Variants in CUL3 observed in about 807,000 individuals in gnomAD.
The protein encoded by CUL3 is cullin 3.
A neutral mutation model predicts 89.1 loss-of-function variants in CUL3; 19 were observed. That is an observed-to-expected ratio of 0.21 (90% CI 0.15 to 0.31). The LOEUF is 0.31. CUL3 is among the 10% of genes least tolerant of loss of function. The pLI is 1.00. For synonymous variants in CUL3, 351 were observed against 308.4 expected (o/e 1.14, Z -1.45); for missense variants, 469 against 942.3 (o/e 0.50, Z 6.58).
At chr2:224,521,203 C>G (rs1166860544) in intron 3 of CUL3, among the ~76,000 whole-genome samples, 3 of 151,978 alleles carry the variant, frequency 2.0e-5, no homozygotes, top group Non-Finnish European at 4.4e-5. Flanking sequence ...ATGGTGCACC[C>G]AAGGAAAGAA....
intron 1 of CUL3, among the ~76,000 whole-genome samples, chr2:224,579,500 A>G (rs979492723): frequency 2.0e-5 from 3 of 151,990 alleles, no homozygotes; most frequent in Non-Finnish European, 2.9e-5. Flanking sequence ...AAAAAAAAAG[A>G]TTAACTGTAC....
At chr2:224,544,587 A>G (rs72974208) in intron 2 of CUL3, among the ~76,000 whole-genome samples, 18,833 of 151,936 alleles carry the variant, frequency 0.12, 1,635 homozygotes, top group Non-Finnish European at 0.19. Flanking sequence ...TCAGTCCTGC[A>G]TTAATCACAT....
chr2:224,501,671 T>A (rs1478800448), intron 10 of CUL3, among the ~76,000 whole-genome samples: 1 of 152,154 alleles, frequency 6.6e-6, no homozygotes, highest in South Asian at 2.1e-4. Context: ...TAAACTTGGA[T>A]GATGCACAGA....
At chr2:224,516,942 A>G (rs1376891694) in intron 3 of CUL3, among the ~76,000 whole-genome samples, 10 of 151,866 alleles carry the variant, frequency 6.6e-5, no homozygotes, top group African/African-American at 1.7e-4. Flanking sequence ...ACCGCCTGTA[A>G]ACCTCCTCTT....
intron 3 of CUL3, among the ~76,000 whole-genome samples, chr2:224,532,586 T>C (rs559841449): frequency 8.5e-5 from 13 of 152,182 alleles, no homozygotes; most frequent in African/African-American, 2.4e-4. Flanking sequence ...TTAACTGTAA[T>C]GTATTCAAAG....
At chr2:224,532,748 T>C (rs992902221) in intron 3 of CUL3, among the ~76,000 whole-genome samples, 6 of 152,214 alleles carry the variant, frequency 3.9e-5, no homozygotes, top group African/African-American at 1.4e-4. Context: ...GTGAGTGGCT[T>C]GAACATGTTT....
chr2:224,485,893 A>AG lies in CUL3; in HGVS notation c.1843-3816_1843-3815insC, dbSNP rs1691703029. On this transcript the variant is annotated intron_variant, in intron 13 of 15. Coordinates refer to ENST00000264414, the MANE Select transcript of CUL3 (RefSeq NM_003590.5). This position sits in a 1 kb window ranked among gnomAD's most constrained non-coding sequence, Gnocchi z 4.1. ...GGCATCTGGCAGGTGCCCCTCTGGG[A>AG]CAAAGCTTCCAGAGGAAGGAGCAGG... 6.6e-6 allele frequency among the ~76,000 whole-genome samples: 1 copy of AG among 152,218 alleles called. No individual in the cohort carries two copies. The highest frequency in any genetic ancestry group is 2.4e-5 in the African/African-American group (1 of 41,466).
At chr2:224,555,376 C>G (rs931732040) in intron 2 of CUL3, among the ~76,000 whole-genome samples, 3 of 152,100 alleles carry the variant, frequency 2.0e-5, no homozygotes, top group Admixed American at 2.0e-4. Context: ...TCACTTTACC[C>G]AGATCTTTCC....
At chr2:224,509,932 A>C (rs1369656795) in intron 6 of CUL3, among the ~76,000 whole-genome samples, 1 of 152,216 alleles carries the variant, frequency 6.6e-6, no homozygotes, top group Non-Finnish European at 1.5e-5. Flanking sequence ...CCATCTATTT[A>C]TGTACAGCTC....
At chr2:224,497,183 C>A (rs1337036642) in intron 12 of CUL3, among the ~76,000 whole-genome samples, 1 of 151,956 alleles carries the variant, frequency 6.6e-6, no homozygotes, top group Non-Finnish European at 1.5e-5. Context: ...TTAATATTTT[C>A]TGAAGGCAAA....
chr2:224,557,419 CTTCA>C (rs1008983172), intron 2 of CUL3, among the ~76,000 whole-genome samples: 8 of 152,178 alleles, frequency 5.3e-5, no homozygotes, highest in African/African-American at 1.9e-4. Context: ...ACTGAGTTTG[CTTCA>C]TTATGATTTA....
chr2:224,477,334 T>C (rs955417680), intron 15 of CUL3, among the ~76,000 whole-genome samples: 2 of 152,192 alleles, frequency 1.3e-5, no homozygotes, highest in Admixed American at 6.5e-5. Context: ...AACCACACTG[T>C]GAAAACCAGT....
At chr2:224,486,063 T>TC (rs1307915729) in intron 13 of CUL3, among the ~76,000 whole-genome samples, 25 of 152,236 alleles carry the variant, frequency 1.6e-4, no homozygotes, top group African/African-American at 5.8e-4. Context: ...GCAATAACAT[T>TC]CAACATCAAC....
At chr2:224,563,767 G>A (rs978158821) in intron 1 of CUL3, among the ~76,000 whole-genome samples, 1 of 151,968 alleles carries the variant, frequency 6.6e-6, no homozygotes, top group African/African-American at 2.4e-5. Flanking sequence ...TTAAAAACTT[G>A]GTAACTTAAC....
At chr2:224,522,190 CAG>C (rs1693292146) in intron 3 of CUL3, among the ~76,000 whole-genome samples, 1 of 151,674 alleles carries the variant, frequency 6.6e-6, no homozygotes, top group East Asian at 1.9e-4. Flanking sequence ...AAAATATTTT[CAG>C]AGTTCACTTT....
At chr2:224,516,883 G>A (rs1327977258) in intron 3 of CUL3, among the ~76,000 whole-genome samples, 1 of 151,998 alleles carries the variant, frequency 6.6e-6, no homozygotes, top group East Asian at 1.9e-4. Context: ...CTAACCTCGT[G>A]ATCCACCCAC....
At chr2:224,508,674 T>C (rs1692694678) in intron 6 of CUL3, among the ~76,000 whole-genome samples, 1 of 152,144 alleles carries the variant, frequency 6.6e-6, no homozygotes, top group South Asian at 2.1e-4. Flanking sequence ...AATAATAAGA[T>C]ACTGGCGAGA....
intron 11 of CUL3, chr2:224,500,072 CCAT>C (rs113896438): frequency 4.6e-4 from 124 of 268,518 alleles, no homozygotes; most frequent in African/African-American, 2.3e-3. Context: ...GTCTAGTTTT[CCAT>C]CATCATTTAC....
rs187646093 is a variant in CUL3 at position 224,565,202 on chromosome 2, T to C, written c.67-7346A>G. 2.3e-3 allele frequency among the ~76,000 whole-genome samples: 353 copies of C among 152,292 alleles called. 1 individual carries two copies. The highest frequency in any genetic ancestry group is 3.8e-3 in the Admixed American group (58 of 15,294). The stretch of plus-strand genomic sequence containing the variant: ...ATTAACACCTGTTTTGTATGTTACA[T>C]GTATTACACACCGTATTCTTAGAAT... On this transcript the variant is annotated intron_variant, in intron 1 of 15. Coordinates refer to ENST00000264414, the MANE Select transcript of CUL3 (RefSeq NM_003590.5).
Sources: gnomAD v4.1 joint callset for allele counts (sites outside exome capture counted in the v4.1 genomes callset) on GRCh38, gnomAD v4.1.1 for gene constraint, Gnocchi (gnomAD v3.1) non-coding constraint, MANE v1.5 for transcripts, NCBI Gene and HGNC (gene_info 2026-07-23, HGNC 2026-07-21) for gene names.